FSD1L: variants seen among roughly 807,000 people sequenced by gnomAD.
The protein encoded by FSD1L is FSD1-like protein.
Under a neutral mutation model 71.6 loss-of-function variants are expected in FSD1L, and 45 were observed. The observed-to-expected ratio is 0.63, with a 90% confidence interval of 0.49 to 0.81. FSD1L has a LOEUF of 0.81. Ranked by LOEUF, FSD1L falls within the 30% of genes least tolerant of loss-of-function variation. The pLI is 0.00. For missense variants in FSD1L, 561 were observed against 618.1 expected (o/e 0.91, Z 0.98); for synonymous variants, 197 against 207.2 (o/e 0.95, Z 0.42).
chr9:105,451,585 A>G (rs1264574687), intron 1 of FSD1L, among the ~76,000 whole-genome samples: 3 of 152,260 alleles, frequency 2.0e-5, no homozygotes, highest in Non-Finnish European at 4.4e-5. Context: ...TGTTGGATAC[A>G]GAAAACCACA....
rs1264328384 is a variant in FSD1L, at chr9:105,550,530, T to A, written c.*4047T>A. ...TCACGTTCAGTATAGTTTAGTTTTG[T>A]GTGTATCTTACAGTATGCATGTTCT... is the stretch of plus-strand genomic sequence containing the variant. On this transcript the variant is annotated 3_prime_UTR_variant, in exon 14 of 14. Transcript: ENST00000481272. The A allele has an allele frequency of 6.6e-6, 1 of 152,098 alleles. No homozygotes were observed. Among genetic ancestry groups the A allele is most frequent in the East Asian group, 1.9e-4 (1 of 5,200 alleles). The allele number at this position is 152,098 out of a possible 1,614,324, so 9.4% of individuals were successfully genotyped here. A position where few individuals can be genotyped will look rare whatever the true frequency, so the allele number is the denominator to read the frequency against.
At chr9:105,470,153 G>T (rs150972734) in intron 4 of FSD1L, among the ~76,000 whole-genome samples, 31 of 152,206 alleles carry the variant, frequency 2.0e-4, no homozygotes, top group African/African-American at 7.5e-4. Flanking sequence ...CATTGTTTGG[G>T]TTCCTATAGT....
rs1008794105 is a variant in FSD1L, at chr9:105,535,093, C to T, written c.1153C>T (p.His385Tyr). The change falls in exon 12 of 14, where the codon CAT becomes TAT. Residue 385 changes from histidine to tyrosine, a missense_variant. Coordinates refer to ENST00000481272, the MANE Select transcript of FSD1L (RefSeq NM_001145313.3). Reference protein sequence around the residue: ...LGDTAIESGQHYWEVKAQKDC... With the variant: ...LGDTAIESGQYYWEVKAQKDC... ...AGACACTGCTATTGAAAGTGGACAACATTATTGGGAGGTCAAGGCCCAGAA... is the reference window on the plus strand; with the variant it reads ...AGACACTGCTATTGAAAGTGGACAATATTATTGGGAGGTCAAGGCCCAGAA... The T allele has an allele frequency of 6.4e-7, 1 of 1,551,416 alleles. No individual in the cohort carries two copies. The highest frequency in any genetic ancestry group is 8.7e-7 in the Non-Finnish European group (1 of 1,146,840).
intron 10 of FSD1L, chr9:105,522,207 T>C: frequency 1.2e-6 from 2 of 1,613,980 alleles, no homozygotes; most frequent in Non-Finnish European, 8.5e-7. Flanking sequence ...ATTGTCATCG[T>C]TGACCTATTG....
At chr9:105,500,056 A>G (rs1263810765) in intron 7 of FSD1L, among the ~76,000 whole-genome samples, 1 of 152,126 alleles carries the variant, frequency 6.6e-6, no homozygotes, top group Admixed American at 6.5e-5. Context: ...CTCCACTTGT[A>G]TTGCCCATCT....
At chr9:105,507,447 C>A (rs1248961193) in intron 8 of FSD1L, among the ~76,000 whole-genome samples, 3 of 152,188 alleles carry the variant, frequency 2.0e-5, no homozygotes, top group Non-Finnish European at 4.4e-5. Context: ...TATAGTACAT[C>A]TCATTTAATC....
intron 10 of FSD1L, chr9:105,521,046 C>T: frequency 2.5e-6 from 4 of 1,612,954 alleles, no homozygotes; most frequent in South Asian, 2.2e-5. Context: ...TTTATATCAT[C>T]CTATACTTGA....
intron 3 of FSD1L, among the ~76,000 whole-genome samples, chr9:105,465,798 A>G (rs1831025616): frequency 6.6e-6 from 1 of 152,306 alleles, no homozygotes; most frequent in South Asian, 2.1e-4. Flanking sequence ...TCTCACAGCT[A>G]CCATCTTATC....
At chr9:105,453,426 A>G (rs1458154015) in intron 1 of FSD1L, among the ~76,000 whole-genome samples, 1 of 152,010 alleles carries the variant, frequency 6.6e-6, no homozygotes, top group Non-Finnish European at 1.5e-5. Context: ...ACCTCAGATG[A>G]TCCTCCCAAA....
chr9:105,523,746 A>C, intron 10 of FSD1L: 1 of 1,596,994 alleles, frequency 6.3e-7, no homozygotes, highest in Non-Finnish European at 8.6e-7. Flanking sequence ...TGTTTCTCCA[A>C]ATAGAGATTT....
chr9:105,452,179 A>G (rs117757715), intron 1 of FSD1L, among the ~76,000 whole-genome samples: 4 of 152,290 alleles, frequency 2.6e-5, no homozygotes, highest in East Asian at 3.9e-4. Flanking sequence ...GCTCCAAGCT[A>G]TGTGCTATTC....
At chr9:105,512,459 A>G (rs936684867) in intron 9 of FSD1L, among the ~76,000 whole-genome samples, 4 of 152,008 alleles carry the variant, frequency 2.6e-5, no homozygotes, top group African/African-American at 9.7e-5. Flanking sequence ...TCCCCTTCCT[A>G]TTTAGTCATA....
At chr9:105,507,692 T>A (rs1351563186) in intron 8 of FSD1L, among the ~76,000 whole-genome samples, 1 of 152,204 alleles carries the variant, frequency 6.6e-6, no homozygotes, top group Admixed American at 6.5e-5. Context: ...AAAAATTATT[T>A]AGGGTGTTCA....
upstream of FSD1L, among the ~76,000 whole-genome samples, chr9:105,446,370 T>C (rs1053658584): frequency 1.3e-5 from 1 of 78,338 alleles, no homozygotes; most frequent in African/African-American, 5.0e-5. Flanking sequence ...ATTTGCCTTA[T>C]TTATTTATTT....
chr9:105,452,984 G>A (rs1431908882), intron 1 of FSD1L, among the ~76,000 whole-genome samples: 10 of 149,408 alleles, frequency 6.7e-5, no homozygotes, highest in East Asian at 2.0e-4. Context: ...CGATTGACCC[G>A]CCTTGGCCTC....
At chr9:105,501,296 A>G (rs1165012690) in intron 7 of FSD1L, among the ~76,000 whole-genome samples, 1 of 151,944 alleles carries the variant, frequency 6.6e-6, no homozygotes, top group African/African-American at 2.4e-5. Flanking sequence ...GCAGTCTATG[A>G]TAGTATATGA....
intron 1 of FSD1L, among the ~76,000 whole-genome samples, chr9:105,460,352 G>A (rs981202355): frequency 2.6e-5 from 4 of 152,144 alleles, no homozygotes; most frequent in Non-Finnish European, 5.9e-5. Flanking sequence ...TTGCACTTGG[G>A]AAGCCGAAGT....
chr9:105,481,168 T>TGG (rs1832155284), intron 6 of FSD1L, among the ~76,000 whole-genome samples: 2 of 140,946 alleles, frequency 1.4e-5, no homozygotes, highest in Non-Finnish European at 1.5e-5. Flanking sequence ...TGTGTGTGTG[T>TGG]GTGTGTGTGT....
At chr9:105,479,245 A>C in intron 5 of FSD1L, 109 bp from the exon 6 acceptor site, 1 of 878,148 alleles carries the variant, frequency 1.1e-6, no homozygotes, top group South Asian at 1.6e-5. Context: ...AATATGAACT[A>C]ATCTGTTGCA....
Sources: gnomAD v4.1 joint callset for allele counts (sites outside exome capture counted in the v4.1 genomes callset) on GRCh38, gnomAD v4.1.1 for gene constraint, MANE v1.5 for transcripts, NCBI Gene and HGNC (gene_info 2026-07-23, HGNC 2026-07-21) for gene names.